Variants in CRX observed in about 807,000 individuals in gnomAD.
The protein encoded by CRX is cone-rod homeobox.
A neutral mutation model predicts 13.1 loss-of-function variants in CRX; 5 were observed. That is an observed-to-expected ratio of 0.38 (90% CI 0.20 to 0.80). CRX has a LOEUF of 0.80. CRX is among the 30% of genes least tolerant of loss of function. The pLI is 0.43. For missense variants in CRX, 351 were observed against 391.8 expected (o/e 0.90, Z 0.88); for synonymous variants, 179 against 171.1 (o/e 1.05, Z -0.36).
At chr19:47,837,407 T>A (rs1599987168) in intron 3 of CRX, among the ~76,000 whole-genome samples, 1 of 152,206 alleles carries the variant, frequency 6.6e-6, no homozygotes, top group East Asian at 1.9e-4. Context: ...CCTCAGGCAA[T>A]CCTACTGCCT....
intron 1 of CRX, among the ~76,000 whole-genome samples, chr19:47,828,105 G>T (rs1967998773): frequency 1.3e-5 from 2 of 151,386 alleles, no homozygotes; most frequent in Non-Finnish European, 2.9e-5. Context: ...AGTGAGCCGA[G>T]ATCAAGCCAT....
rs569093241 is a variant in CRX, at chr19:47,838,007, G to T, written c.253-1313G>T. Among the ~76,000 whole-genome samples, 6 of 152,202 alleles carry T rather than the reference G, an allele frequency of 3.9e-5. No homozygotes were observed. The East Asian group carries it at 9.6e-4, about 24-fold the overall frequency. On this transcript the variant is annotated intron_variant, in intron 3 of 3. Coordinates refer to ENST00000221996, the MANE Select transcript of CRX (RefSeq NM_000554.6). ...ATGTTACATATATGTGCATACACAC[G>T]TGTGTATGATTGGAAGGATAAATGA...
At chr19:47,827,250 T>C (rs1342952654) in intron 1 of CRX, among the ~76,000 whole-genome samples, 1 of 152,178 alleles carries the variant, frequency 6.6e-6, no homozygotes. Flanking sequence ...TACCAGGTTT[T>C]ACTTGTTCTT....
intron 2 of CRX, among the ~76,000 whole-genome samples, chr19:47,835,650 C>T (rs1968109170): frequency 8.0e-6 from 1 of 125,448 alleles, no homozygotes; most frequent in African/African-American, 3.2e-5. Flanking sequence ...CAAGACCGAG[C>T]CTTGTTCTGT....
intron 1 of CRX, among the ~76,000 whole-genome samples, chr19:47,832,909 C>G (rs1018536828): frequency 6.6e-6 from 1 of 152,162 alleles, no homozygotes. Flanking sequence ...ACCTGTACTG[C>G]TACCTATCTG....
At position 47,839,392 on chromosome 19, in the gene CRX, G is replaced by C. The variant is rs1170841415; in HGVS notation, c.325G>C (p.Gly109Arg). 1.2e-6 allele frequency: 2 copies of C among 1,613,468 alleles called. No individual in the cohort carries two copies. The highest frequency in any genetic ancestry group is 1.7e-6 in the Non-Finnish European group (2 of 1,179,820). Reference protein sequence around the residue: ...QQQKQQQQPPGGQAKARPAKR... With the variant: ...QQQKQQQQPPRGQAKARPAKR... ...GCAGAAACAGCAGCAGCAGCCCCCA[G>C]GGGGCCAGGCCAAGGCCCGGCCTGC... The change falls in exon 4 of 4, where the codon GGG becomes CGG. Residue 109 changes from glycine to arginine, a missense_variant. Coordinates refer to ENST00000221996, the MANE Select transcript of CRX (RefSeq NM_000554.6). The surrounding 1 kb of genome is among the most constrained non-coding windows in gnomAD (Gnocchi z 4.6).
Position 47,839,210 on chromosome 19 carries a change from A to T in CRX, c.253-110A>T. 1 of 1,194,026 alleles carries T rather than the reference A, an allele frequency of 8.4e-7. No individual in the cohort carries two copies. Among genetic ancestry groups the T allele is most frequent in the Non-Finnish European group, 1.2e-6 (1 of 847,496 alleles). 74.0% of individuals were successfully genotyped at this position (1,194,026 alleles called of 1,614,324 possible). A position where few individuals can be genotyped will look rare whatever the true frequency, so the allele number is the denominator to read the frequency against. ...CCACAGCTGGATGCAAAGTAGACAG[A>T]TGTGAACCCAGCACCTCTCACCAAT... On this transcript the variant is annotated intron_variant, in intron 3 of 3. Coordinates refer to ENST00000221996, the MANE Select transcript of CRX (RefSeq NM_000554.6). The surrounding 1 kb of genome is among the most constrained non-coding windows in gnomAD (Gnocchi z 4.6).
chr19:47,832,094 A>T (rs1968054193), intron 1 of CRX, among the ~76,000 whole-genome samples: 1 of 113,694 alleles, frequency 8.8e-6, no homozygotes, highest in African/African-American at 3.5e-5. Context: ...CAGTTCAGAG[A>T]GCAGCCTTAT....
chr19:47,833,344 C>T (rs1480788518), intron 1 of CRX, among the ~76,000 whole-genome samples: 2 of 150,794 alleles, frequency 1.3e-5, no homozygotes, highest in East Asian at 2.0e-4. Context: ...TGCGGTGGTG[C>T]GATCTTGGCT....
At chr19:47,837,510 T>C (rs755014193) in intron 3 of CRX, among the ~76,000 whole-genome samples, 10 of 152,184 alleles carry the variant, frequency 6.6e-5, no homozygotes, top group Non-Finnish European at 1.2e-4. Context: ...CATGTATATA[T>C]GATTGGACTG....
At position 47,832,105 on chromosome 19, in the gene CRX, G is replaced by GTTTATGT. The variant is rs1555801482; in HGVS notation, c.-35-2301_-35-2300insATGTTTT. Among the ~76,000 whole-genome samples the GTTTATGT allele has an allele frequency of 2.6e-4, 24 of 91,984 alleles. 1 individual carries two copies. Among genetic ancestry groups the GTTTATGT allele is most frequent in the Admixed American group, 1.5e-3 (12 of 7,768 alleles). The allele number at this position is 91,984 out of a possible 152,430, so 60.3% of individuals were successfully genotyped here. A position where few individuals can be genotyped will look rare whatever the true frequency, so the allele number is the denominator to read the frequency against. On this transcript the variant is annotated intron_variant, in intron 1 of 3. Coordinates refer to ENST00000221996, the MANE Select transcript of CRX (RefSeq NM_000554.6). The stretch of plus-strand genomic sequence containing the variant: ...AAATCAGTTCAGAGAGCAGCCTTAT[G>GTTTATGT]TTTTTTTTTTTTTTTTTTGAGACGG...
chr19:47,822,210 G>T (rs1386451887), intron 1 of CRX, among the ~76,000 whole-genome samples, 200 bp downstream of exon 1: 3 of 152,162 alleles, frequency 2.0e-5, no homozygotes, highest in Non-Finnish European at 4.4e-5. Flanking sequence ...AGGGAGTAAG[G>T]TTAGACAGCA....
chr19:47,831,518 G>T (rs758467457), intron 1 of CRX, among the ~76,000 whole-genome samples: 26 of 151,920 alleles, frequency 1.7e-4, no homozygotes, highest in Non-Finnish European at 3.5e-4. Flanking sequence ...ACGTGCGAGA[G>T]ATCTAGGTTG....
At chr19:47,830,552 T>C (rs1968031142) in intron 1 of CRX, among the ~76,000 whole-genome samples, 1 of 151,800 alleles carries the variant, frequency 6.6e-6, no homozygotes. Context: ...AATACAAAAA[T>C]TAGCTGGGCG....
intron 1 of CRX, among the ~76,000 whole-genome samples, chr19:47,827,085 C>T (rs1967982932): frequency 6.6e-6 from 1 of 152,198 alleles, no homozygotes; most frequent in African/African-American, 2.4e-5. Context: ...CTGTTGGTTA[C>T]ACACGTCAGC....
In CRX at chr19:47,840,232, C is replaced by T; in HGVS notation, c.*265C>T. ...CACGATTGTGACCGCTGAAGTACAC[C>T]ACGAGCTCCAGGCTTCAGAAAGTGG... On this transcript the variant is annotated 3_prime_UTR_variant, in exon 4 of 4. Transcript: ENST00000221996. 1 of 485,036 alleles carries T rather than the reference C, an allele frequency of 2.1e-6. No individual in the cohort carries two copies. Among genetic ancestry groups the T allele is most frequent in the South Asian group, 2.3e-5 (1 of 43,168 alleles). 30.0% of individuals were successfully genotyped at this position (485,036 alleles called of 1,614,324 possible). A position where few individuals can be genotyped will look rare whatever the true frequency, so the allele number is the denominator to read the frequency against.
Position 47,840,054 on chromosome 19 carries a change from C to A in CRX, c.*87C>A. The A allele has an allele frequency of 6.5e-7, 1 of 1,531,514 alleles. No individual in the cohort carries two copies. 94.9% of individuals were successfully genotyped at this position (1,531,514 alleles called of 1,614,324 possible). On this transcript the variant is annotated 3_prime_UTR_variant, in exon 4 of 4. Transcript: ENST00000221996. ...CCCTGCAGTTTAGATCCCGGGATGGCATTCCTGAGAAAGCAACCCGAACCA... is the reference window on the plus strand; with the variant it reads ...CCCTGCAGTTTAGATCCCGGGATGGAATTCCTGAGAAAGCAACCCGAACCA...
In CRX at chr19:47,840,274, CAAG is replaced by C. The variant is rs398059782; in HGVS notation, c.*314_*316del. ...AGAAAGTGGTGCTGAGAACTTGCTC[CAAG>C]AAGAAGTCAAACCAAACTTGCAGTT... On this transcript the variant is annotated 3_prime_UTR_variant, in exon 4 of 4. Coordinates refer to ENST00000221996, the MANE Select transcript of CRX (RefSeq NM_000554.6). 0.33 allele frequency: 122,569 copies of C among 366,500 alleles called. 22,817 individuals carry two copies. The highest frequency in any genetic ancestry group is 0.39 in the Non-Finnish European group (76,191 of 196,874). 22.7% of individuals were successfully genotyped at this position (366,500 alleles called of 1,614,324 possible). A position where few individuals can be genotyped will look rare whatever the true frequency, so the allele number is the denominator to read the frequency against.
At chr19:47,834,221 A>G (rs747785372) in intron 1 of CRX, among the ~76,000 whole-genome samples, 188 bp from the exon 2 acceptor site, 4 of 152,206 alleles carry the variant, frequency 2.6e-5, no homozygotes, top group African/African-American at 4.8e-5. Flanking sequence ...CAGAGTCTCA[A>G]GAAAGCTCTG....
Sources: allele counts gnomAD v4.1 joint callset (sites outside exome capture counted in the v4.1 genomes callset), GRCh38; gene constraint gnomAD v4.1.1; non-coding constraint Gnocchi (gnomAD v3.1); transcripts MANE v1.5; gene names NCBI Gene and HGNC (gene_info 2026-07-23, HGNC 2026-07-21).